Variants in GFRAL observed in about 807,000 individuals in gnomAD.
GFRAL encodes the protein GDNF family receptor alpha like, also known as GDNF family receptor alpha-like.
In GFRAL, 36 loss-of-function variants were observed where a neutral mutation model predicts 45.4. That is an observed-to-expected ratio of 0.79 (90% CI 0.61 to 1.05). GFRAL has a LOEUF of 1.05. Among genes scored for constraint, GFRAL ranks in the 50% least tolerant of loss-of-function variants. The probability of loss-of-function intolerance (pLI) is 0.00; values close to 1 mark genes in which losing one functional copy is unlikely to be tolerated. For synonymous variants in GFRAL, 166 were observed against 154.1 expected (o/e 1.08, Z -0.57); for missense variants, 507 against 467.5 (o/e 1.08, Z -0.78).
chr6:55,387,689 G>A (rs11756296), intron 6 of GFRAL, among the ~76,000 whole-genome samples: 9,754 of 152,148 alleles, frequency 0.064, 510 homozygotes, highest in African/African-American at 0.14. Flanking sequence ...TGATGGCAAC[G>A]GTTCGTCTTC....
At chr6:55,342,096 C>G (rs145208230) in intron 3 of GFRAL, among the ~76,000 whole-genome samples, 2,201 of 152,308 alleles carry the variant, frequency 0.014, 67 homozygotes, top group African/African-American at 0.051. Flanking sequence ...TTGGAAAACA[C>G]TCTGCAGGAT....
intron 6 of GFRAL, among the ~76,000 whole-genome samples, chr6:55,363,729 T>G (rs1357519842): frequency 1.3e-5 from 2 of 151,382 alleles, no homozygotes; most frequent in African/African-American, 4.9e-5. Flanking sequence ...AGAATGATGA[T>G]TTCCAATTTC....
intron 1 of GFRAL, among the ~76,000 whole-genome samples, chr6:55,330,196 T>C (rs1364275628): frequency 6.6e-6 from 1 of 152,174 alleles, no homozygotes; most frequent in African/African-American, 2.4e-5. Flanking sequence ...ATCTGGAAGG[T>C]ATTATTTTTT....
chr6:55,356,423 T>C (rs1330276606), intron 5 of GFRAL, among the ~76,000 whole-genome samples: 5 of 152,002 alleles, frequency 3.3e-5, no homozygotes, highest in Admixed American at 6.6e-5. Context: ...GACTTCTTTA[T>C]AGTTCAATCT....
At chr6:55,395,790 A>AAG (rs1768817252) in intron 6 of GFRAL, among the ~76,000 whole-genome samples, 1 of 150,844 alleles carries the variant, frequency 6.6e-6, no homozygotes, top group Admixed American at 6.6e-5. Context: ...GGAAAAAAAA[A>AAG]AAAAAGAAAA....
intron 1 of GFRAL, among the ~76,000 whole-genome samples, chr6:55,330,323 G>A (rs1767813418): frequency 1.3e-5 from 2 of 152,244 alleles, no homozygotes; most frequent in African/African-American, 4.8e-5. Flanking sequence ...CAAAAATACA[G>A]TTATAAATTA....
In GFRAL at chr6:55,395,174, AAAT is replaced by A. The variant is rs1452444936; in HGVS notation, c.953-4004_953-4002del. Among the ~76,000 whole-genome samples the A allele has an allele frequency of 5.3e-3, 658 of 124,820 alleles. 6 individuals are homozygous for A. The highest frequency in any genetic ancestry group is 0.017 in the African/African-American group (534 of 31,164). The allele number at this position is 124,820 out of a possible 152,430, so 81.9% of individuals were successfully genotyped here. A position where few individuals can be genotyped will look rare whatever the true frequency, so the allele number is the denominator to read the frequency against. On this transcript the variant is annotated intron_variant, in intron 6 of 8. Coordinates refer to ENST00000340465, the MANE Select transcript of GFRAL (RefSeq NM_207410.2). ...CAATCAGCCTATGGAAAAAAAAAAA[AAAT>A]ATATATATATATATATAAGCCAGCT...
At chr6:55,355,470 T>C (rs1768178915) in intron 5 of GFRAL, among the ~76,000 whole-genome samples, 1 of 152,054 alleles carries the variant, frequency 6.6e-6, no homozygotes, top group Admixed American at 6.6e-5. Context: ...CCAAGTATCT[T>C]ATTTTATTTG....
chr6:55,357,443 T>G (rs1768210280), intron 5 of GFRAL, among the ~76,000 whole-genome samples: 1 of 151,812 alleles, frequency 6.6e-6, no homozygotes, highest in African/African-American at 2.4e-5. Flanking sequence ...TATAGTTTTT[T>G]TCTTGAAATC....
In GFRAL at chr6:55,356,527, T is replaced by A. The variant is rs948319414; in HGVS notation, c.702-2361T>A. ...GCTCATAGTAGGCTTCAATGATCCT[T>A]CGAATTTCTGTGGCATCATTTGTAA... On this transcript the variant is annotated intron_variant, in intron 5 of 8. Coordinates refer to ENST00000340465, the MANE Select transcript of GFRAL (RefSeq NM_207410.2). 3.3e-5 allele frequency among the ~76,000 whole-genome samples: 5 copies of A among 152,060 alleles called. No individual in the cohort carries two copies. In the South Asian group the frequency reaches 6.2e-4, roughly 19 times the overall value.
chr6:55,395,727 T>C (rs1298214865), intron 6 of GFRAL, among the ~76,000 whole-genome samples: 2 of 150,350 alleles, frequency 1.3e-5, no homozygotes, highest in African/African-American at 2.4e-5. Flanking sequence ...GTGAATTATA[T>C]AAGCAGAGTT....
chr6:55,368,378 T>G (rs1768396762), intron 6 of GFRAL, among the ~76,000 whole-genome samples: 1 of 151,302 alleles, frequency 6.6e-6, no homozygotes, highest in Non-Finnish European at 1.5e-5. Context: ...TTCTTTGCCT[T>G]TGGTTTGAAT....
Position 55,333,926 on chromosome 6 carries a change from A to C in GFRAL, c.298A>C (p.Lys100Gln). Residue 100 changes from lysine to glutamine, a missense_variant, in exon 3 of 9, where the codon AAA (lysine) becomes CAA (glutamine). Coordinates refer to ENST00000340465, the MANE Select transcript of GFRAL (RefSeq NM_207410.2). ...YCTVNKLLGK[K>Q]CINKSDNVKE... is the part of the protein sequence containing the mutation. The stretch of plus-strand genomic sequence containing the variant: ...TACTGTGAACAAACTGCTTGGAAAA[A>C]AATGTATCAATAAATCAGGTAATAT... 1 of 1,544,298 alleles carries C rather than the reference A, an allele frequency of 6.5e-7. No individual in the cohort carries two copies. The highest frequency in any genetic ancestry group is 8.7e-7 in the Non-Finnish European group (1 of 1,144,500).
At chr6:55,383,631 T>C (rs1768640943) in intron 6 of GFRAL, among the ~76,000 whole-genome samples, 1 of 152,050 alleles carries the variant, frequency 6.6e-6, no homozygotes. Flanking sequence ...CTCTGATATT[T>C]GCACAACAAA....
intron 5 of GFRAL, 73 bp downstream of exon 5, chr6:55,351,656 A>G (rs573358325): frequency 1.1e-5 from 11 of 1,017,872 alleles, no homozygotes; most frequent in Non-Finnish European, 1.6e-5. Flanking sequence ...CTAACACTTG[A>G]TCTCATAACA....
intron 4 of GFRAL, among the ~76,000 whole-genome samples, chr6:55,351,005 G>A (rs1768108906): frequency 6.6e-6 from 1 of 151,928 alleles, no homozygotes; most frequent in Non-Finnish European, 1.5e-5. Context: ...GCTCAATTTT[G>A]GCCCAGCACG....
At chr6:55,352,106 G>A (rs1389885580) in intron 5 of GFRAL, among the ~76,000 whole-genome samples, 1 of 151,978 alleles carries the variant, frequency 6.6e-6, no homozygotes, top group South Asian at 2.1e-4. Context: ...ACAATGTCAG[G>A]CTTTAATACT....
At position 55,351,517 on chromosome 6, in the gene GFRAL, T is replaced by C; in HGVS notation, c.635T>C (p.Val212Ala). The C allele has an allele frequency of 6.2e-7, 1 of 1,612,402 alleles. No individual in the cohort carries two copies. The highest frequency in any genetic ancestry group is 8.5e-7 in the Non-Finnish European group (1 of 1,178,726). ...GCTCTTCACAGCAAGACATGTGCAG[T>C]GAACATGGTTCCACCCCCTACTTGC... ...KEALHSKTCA[V>A]NMVPPPTCLS... Residue 212 changes from valine (V) to alanine (A), a missense_variant, in exon 5 of 9, where the codon GTG (valine) becomes GCG (alanine). Physicochemically the swap from Val to Ala is moderately conservative, Grantham distance 64. Transcript: ENST00000340465.
chr6:55,337,164 C>T (rs555890061), intron 3 of GFRAL, among the ~76,000 whole-genome samples: 11 of 152,170 alleles, frequency 7.2e-5, no homozygotes, highest in African/African-American at 2.4e-4. Flanking sequence ...TCTCCTCCCC[C>T]GTGTCCTGCC....
Sources: allele counts gnomAD v4.1 joint callset (sites outside exome capture counted in the v4.1 genomes callset), GRCh38; gene constraint gnomAD v4.1.1; transcripts MANE v1.5; gene names NCBI Gene and HGNC (gene_info 2026-07-23, HGNC 2026-07-21).